Variants in SLC44A1 observed in about 807,000 individuals in gnomAD.
SLC44A1 encodes the protein choline transporter-like protein 1.
A neutral mutation model predicts 79.3 loss-of-function variants in SLC44A1; 26 were observed. That is an observed-to-expected ratio of 0.33 (90% CI 0.24 to 0.46). The LOEUF is 0.46. Among genes scored for constraint, SLC44A1 ranks in the 20% least tolerant of loss-of-function variants. The pLI is 1.00. For missense variants in SLC44A1, 688 were observed against 798.1 expected (o/e 0.86, Z 1.66); for synonymous variants, 263 against 286.2 (o/e 0.92, Z 0.82).
chr9:105,390,884 C>A lies in SLC44A1; in HGVS notation c.*1828C>A. ...GAAAGAATAATTCTCCAGAAGTTAACATCTAATATCTAGTATCACCAAACA... is the reference window on the plus strand; with the variant it reads ...GAAAGAATAATTCTCCAGAAGTTAAAATCTAATATCTAGTATCACCAAACA... On this transcript the variant is annotated 3_prime_UTR_variant, in exon 16 of 16. Transcript: ENST00000374720. 3 of 984,426 alleles carry A rather than the reference C, an allele frequency of 3.0e-6. No individual in the cohort carries two copies. The highest frequency in any genetic ancestry group is 3.6e-6 in the Non-Finnish European group (3 of 828,766). 61.0% of individuals were successfully genotyped at this position (984,426 alleles called of 1,614,324 possible).
chr9:105,299,121 T>G (rs1437947670), intron 1 of SLC44A1, 99 bp from the exon 2 acceptor site: 2 of 805,724 alleles, frequency 2.5e-6, no homozygotes, highest in Non-Finnish European at 4.0e-6. Flanking sequence ...GAAACTTGTT[T>G]GGCAAAGAAG....
intron 5 of SLC44A1, chr9:105,355,875 G>A: frequency 4.7e-6 from 1 of 213,740 alleles, no homozygotes; most frequent in Non-Finnish European, 9.2e-6. Flanking sequence ...ACTGGTAGAT[G>A]TGCAGGCTAA....
At chr9:105,320,007 G>A (rs1826336770) in intron 3 of SLC44A1, among the ~76,000 whole-genome samples, 2 of 152,160 alleles carry the variant, frequency 1.3e-5, no homozygotes, top group Non-Finnish European at 2.9e-5. Flanking sequence ...GTGCCCCTTT[G>A]TAGTCAGTCC....
At chr9:105,246,992 A>G (rs1435033570) in intron 1 of SLC44A1, among the ~76,000 whole-genome samples, 2 of 152,076 alleles carry the variant, frequency 1.3e-5, no homozygotes, top group African/African-American at 4.8e-5. Flanking sequence ...GATTCCTATA[A>G]CCAATCAACA....
intron 1 of SLC44A1, among the ~76,000 whole-genome samples, chr9:105,296,612 G>T (rs1444654895): frequency 1.3e-5 from 2 of 152,110 alleles, no homozygotes; most frequent in Non-Finnish European, 2.9e-5. Flanking sequence ...AGTAGCTTTT[G>T]CTTTATAAAC....
intron 15 of SLC44A1, among the ~76,000 whole-genome samples, chr9:105,428,023 A>G (rs1829345096): frequency 6.6e-6 from 1 of 152,058 alleles, no homozygotes; most frequent in Non-Finnish European, 1.5e-5. Flanking sequence ...AAAGATTTTT[A>G]TGTATTAGGG....
At position 105,374,624 on chromosome 9, in the gene SLC44A1, C is replaced by T; in HGVS notation, c.1521C>T (p.Asn507=). 6.2e-7 allele frequency: 1 copy of T among 1,613,824 alleles called. No individual in the cohort carries two copies. The highest frequency in any genetic ancestry group is 8.5e-7 in the Non-Finnish European group (1 of 1,179,948). ...ATGCATACACAGCCACAGCTATCAA[C>T]AGCACCAACTTCTGCACCTCAGCAA... The part of the protein sequence containing the change: ...NQNAYTATAI[N]STNFCTSAKD... Residue 507 remains asparagine, a synonymous_variant, in exon 13 of 16, where the codon AAC becomes AAT. Transcript: ENST00000374720.
At chr9:105,325,082 C>T (rs746017633) in intron 3 of SLC44A1, among the ~76,000 whole-genome samples, 2 of 152,120 alleles carry the variant, frequency 1.3e-5, no homozygotes, top group Non-Finnish European at 2.9e-5. Context: ...CATCTAATAG[C>T]CAAAAACAGA....
intron 13 of SLC44A1, among the ~76,000 whole-genome samples, chr9:105,381,455 G>A (rs143264147): frequency 0.017 from 2,590 of 151,246 alleles, 68 homozygotes; most frequent in African/African-American, 0.06. Flanking sequence ...AGGCTGAGGC[G>A]AAGAATTGCT....
In SLC44A1 at chr9:105,390,035, G is replaced by A; in HGVS notation, c.*979G>A. ...GGTTAAACGGCCATTTTATTCAAAT[G>A]CTTGCTATACAATCTGAAAACACAC... is the stretch of plus-strand genomic sequence containing the variant. On this transcript the variant is annotated 3_prime_UTR_variant, in exon 16 of 16. Coordinates refer to ENST00000374720, the MANE Select transcript of SLC44A1 (RefSeq NM_080546.5). The A allele has an allele frequency of 7.4e-7, 1 of 1,351,058 alleles. No individual in the cohort carries two copies. The highest frequency in any genetic ancestry group is 2.2e-5 in the South Asian group (1 of 46,188). The allele number at this position is 1,351,058 out of a possible 1,614,324, so 83.7% of individuals were successfully genotyped here.
chr9:105,307,501 G>T (rs1831063820), intron 2 of SLC44A1, among the ~76,000 whole-genome samples: 1 of 152,086 alleles, frequency 6.6e-6, no homozygotes, highest in Non-Finnish European at 1.5e-5. Context: ...AAAATTAGCT[G>T]CATGTGGTGG....
intron 1 of SLC44A1, among the ~76,000 whole-genome samples, chr9:105,290,120 A>G (rs538146837): frequency 1.5e-3 from 221 of 152,258 alleles, no homozygotes; most frequent in Middle Eastern, 3.4e-3. Context: ...CTGGCCTGTA[A>G]GTCAATTTTT....
Position 105,383,178 on chromosome 9 carries a change from A to C in SLC44A1, c.1688A>C (p.Gln563Pro). Residue 563 changes from glutamine (Q) to proline (P), a missense_variant, in exon 14 of 16, where the codon CAG becomes CCG. Transcript: ENST00000374720. The part of the protein sequence containing the change: ...LAGIMLLNYQ[Q>P]DYTVWVLPLI... ...GGGATTATGCTGCTCAACTACCAGC[A>C]GGACTACACAGTATGGGTGCTGCCT... The C allele has an allele frequency of 6.2e-7, 1 of 1,614,222 alleles. No individual in the cohort carries two copies. Among genetic ancestry groups the C allele is most frequent in the Non-Finnish European group, 8.5e-7 (1 of 1,180,034 alleles).
intron 1 of SLC44A1, among the ~76,000 whole-genome samples, chr9:105,250,063 A>C (rs1423056762): frequency 6.6e-6 from 1 of 151,332 alleles, no homozygotes; most frequent in Non-Finnish European, 1.5e-5. Flanking sequence ...TTTTGTAGAG[A>C]CAGGATCCCA....
intron 15 of SLC44A1, among the ~76,000 whole-genome samples, chr9:105,426,552 A>C (rs1230466860): frequency 6.6e-6 from 1 of 152,196 alleles, no homozygotes; most frequent in Non-Finnish European, 1.5e-5. Context: ...GGAGTGAGTT[A>C]TCATGCTGAG....
chr9:105,257,860 G>C (rs1305098355), intron 1 of SLC44A1, among the ~76,000 whole-genome samples: 2 of 152,212 alleles, frequency 1.3e-5, no homozygotes, highest in African/African-American at 4.8e-5. Flanking sequence ...GGAGTGAAGA[G>C]ATGTTATGTT....
Position 105,351,530 on chromosome 9 carries a change from CTGAAAGAAAGAAA to C in SLC44A1, c.500+3080_500+3092del, listed in dbSNP as rs1827405787. On this transcript the variant is annotated intron_variant, in intron 5 of 15. Transcript: ENST00000374720. ...CCTGGGCAACAGAGCAAGACCCTGT[CTGAAAGAAAGAAA>C]GAAAGAAAGAAAGAGAGAAAGAGAG... 7.5e-4 allele frequency among the ~76,000 whole-genome samples: 48 copies of C among 63,892 alleles called. 5 individuals are homozygous for C. Among genetic ancestry groups the C allele is most frequent in the Middle Eastern group, 0.017 (2 of 116 alleles). 41.9% of individuals were successfully genotyped at this position (63,892 alleles called of 152,430 possible). A position where few individuals can be genotyped will look rare whatever the true frequency, so the allele number is the denominator to read the frequency against.
chr9:105,352,842 A>G (rs1456921509), intron 5 of SLC44A1, among the ~76,000 whole-genome samples: 2 of 152,188 alleles, frequency 1.3e-5, no homozygotes, highest in African/African-American at 4.8e-5. Context: ...CTCGATTATT[A>G]CTTAATTTTT....
intron 15 of SLC44A1, among the ~76,000 whole-genome samples, chr9:105,417,999 A>G (rs1469764268): frequency 1.3e-5 from 2 of 152,172 alleles, no homozygotes; most frequent in African/African-American, 2.4e-5. Context: ...TCTAGCCAAC[A>G]GAATGAGACT....
Sources: gnomAD v4.1 joint callset for allele counts (sites outside exome capture counted in the v4.1 genomes callset) on GRCh38, gnomAD v4.1.1 for gene constraint, MANE v1.5 for transcripts, NCBI Gene and HGNC (gene_info 2026-07-23, HGNC 2026-07-21) for gene names.